PPFIA1: variants seen among roughly 807,000 people sequenced by gnomAD.
PPFIA1 encodes liprin-alpha-1.
Under a neutral mutation model 149.9 loss-of-function variants are expected in PPFIA1, and 25 were observed. That is an observed-to-expected ratio of 0.17 (90% CI 0.12 to 0.23). The LOEUF is 0.23. PPFIA1 is among the 10% of genes least tolerant of loss of function. The pLI is 1.00. For missense variants in PPFIA1, 1,362 were observed against 1,506.5 expected (o/e 0.90, Z 1.59); for synonymous variants, 549 against 552.8 (o/e 0.99, Z 0.10).
intron 2 of PPFIA1, among the ~76,000 whole-genome samples, chr11:70,275,497 A>C (rs1270608644): frequency 6.6e-6 from 1 of 152,178 alleles, no homozygotes; most frequent in African/African-American, 2.4e-5. Flanking sequence ...TGTTTAAGAA[A>C]TTTGCTTGGT....
chr11:70,332,872 C>T (rs1388427150), intron 9 of PPFIA1: 1 of 368,022 alleles, frequency 2.7e-6, no homozygotes, highest in Non-Finnish European at 5.5e-6. Context: ...CTGGACCATT[C>T]AGATGGTTTT....
Position 70,272,154 on chromosome 11 carries a change from C to T in PPFIA1, c.1-19C>T, listed in dbSNP as rs760985646. The stretch of plus-strand genomic sequence containing the variant: ...GTATTCTGAGCTTAATTACTGTAGC[C>T]TGGGTCTTTCATTTCAAGATGATGT... On this transcript the variant is annotated intron_variant, in intron 1 of 27. Transcript: ENST00000253925. 3 of 1,611,242 alleles carry T rather than the reference C, an allele frequency of 1.9e-6. No homozygotes were observed. The highest frequency in any genetic ancestry group is 2.0e-4 in the Middle Eastern group (1 of 4,880).
chr11:70,291,134 TCC>T (rs1485035188), intron 2 of PPFIA1, among the ~76,000 whole-genome samples: 1 of 151,930 alleles, frequency 6.6e-6, no homozygotes, highest in East Asian at 1.9e-4. Context: ...ATCCACCAGC[TCC>T]CGGCCTCCCA....
At chr11:70,311,182 G>A (rs746064576) in intron 2 of PPFIA1, among the ~76,000 whole-genome samples, 8 of 152,086 alleles carry the variant, frequency 5.3e-5, no homozygotes, top group Non-Finnish European at 1.0e-4. Flanking sequence ...GGTGGTGCAT[G>A]CCTGTAATCC....
At chr11:70,313,880 T>A (rs2136573686) in intron 2 of PPFIA1, among the ~76,000 whole-genome samples, 1 of 152,192 alleles carries the variant, frequency 6.6e-6, no homozygotes, top group Admixed American at 6.5e-5. Flanking sequence ...TAGCTGGGCA[T>A]GGTGGCGCAT....
chr11:70,339,941 G>A (rs927499582), intron 14 of PPFIA1, among the ~76,000 whole-genome samples: 2 of 151,730 alleles, frequency 1.3e-5, no homozygotes, highest in African/African-American at 4.8e-5. Context: ...GCTTGAACCC[G>A]GGAGGCGTTG....
chr11:70,350,433 G>T (rs1018088108), intron 16 of PPFIA1, among the ~76,000 whole-genome samples: 1 of 152,166 alleles, frequency 6.6e-6, no homozygotes, highest in South Asian at 2.1e-4. Flanking sequence ...TAGGATGGAT[G>T]TAAAGATTCT....
chr11:70,365,540 G>C (rs2056879579), intron 21 of PPFIA1: 1 of 424,908 alleles, frequency 2.4e-6, no homozygotes. Flanking sequence ...TTTCCATTCA[G>C]TCGTTCCAGA....
intron 19 of PPFIA1, among the ~76,000 whole-genome samples, chr11:70,360,235 A>C (rs193099741): frequency 3.8e-4 from 58 of 152,372 alleles, no homozygotes; most frequent in Admixed American, 7.2e-4. Flanking sequence ...CTTTTTATAA[A>C]AGCTAGTGAT....
Position 70,326,294 on chromosome 11 carries a change from A to G in PPFIA1, c.639A>G (p.Lys213=). The change falls in exon 6 of 28, where the codon AAA becomes AAG. Residue 213 remains lysine (K), a synonymous_variant. Transcript: ENST00000253925. ...LMILKEQNNQ[K]KTLTDGVLDI... Reference sequence around the variant, plus strand: ...TTCTTAAAGAACAGAATAATCAGAAAAAAACTCTAACAGATGGAGTGCTGG... The same window carrying G: ...TTCTTAAAGAACAGAATAATCAGAAGAAAACTCTAACAGATGGAGTGCTGG... 1.2e-6 allele frequency: 2 copies of G among 1,607,920 alleles called. No individual in the cohort carries two copies. The highest frequency in any genetic ancestry group is 1.7e-6 in the Non-Finnish European group (2 of 1,176,294).
At chr11:70,372,991 C>T (rs1415192006) in intron 23 of PPFIA1, among the ~76,000 whole-genome samples, 1 of 152,122 alleles carries the variant, frequency 6.6e-6, no homozygotes, top group Non-Finnish European at 1.5e-5. Context: ...AGGAGAGCAC[C>T]GTGCAGTTCT....
At chr11:70,368,103 A>C (rs2057046096) in intron 21 of PPFIA1, among the ~76,000 whole-genome samples, 1 of 152,032 alleles carries the variant, frequency 6.6e-6, no homozygotes, top group African/African-American at 2.4e-5. Flanking sequence ...ATGCCACTAC[A>C]CTCCAGCCTG....
At chr11:70,381,001 A>G (rs939264399) in intron 26 of PPFIA1, 4 of 151,950 alleles carry the variant, frequency 2.6e-5, no homozygotes, top group African/African-American at 9.7e-5. Context: ...GGCTCTCACC[A>G]TGTTGCCCAG....
At chr11:70,292,852 A>G (rs1258901483) in intron 2 of PPFIA1, among the ~76,000 whole-genome samples, 1 of 152,252 alleles carries the variant, frequency 6.6e-6, no homozygotes, top group Non-Finnish European at 1.5e-5. Flanking sequence ...TGGGCACAAC[A>G]GTATCCTTCA....
intron 26 of PPFIA1, among the ~76,000 whole-genome samples, chr11:70,380,343 G>A (rs1473070317): frequency 2.0e-5 from 3 of 151,936 alleles, no homozygotes; most frequent in Non-Finnish European, 4.4e-5. Context: ...CAAGGCGGGA[G>A]GATCACGAGG....
At chr11:70,332,141 G>T in intron 9 of PPFIA1, 47 bp downstream of exon 9, 1 of 1,526,970 alleles carries the variant, frequency 6.5e-7, no homozygotes, top group Non-Finnish European at 8.8e-7. Context: ...GCCTGTGACT[G>T]TGCCTTGCCT....
chr11:70,345,563 G>T (rs567316663), intron 15 of PPFIA1, among the ~76,000 whole-genome samples: 24 of 152,244 alleles, frequency 1.6e-4, no homozygotes, highest in South Asian at 4.1e-4. Context: ...GAGTCTGTTT[G>T]TTGAGATGAG....
chr11:70,281,909 CTG>C (rs1250978976), intron 2 of PPFIA1, among the ~76,000 whole-genome samples: 1 of 152,226 alleles, frequency 6.6e-6, no homozygotes, highest in African/African-American at 2.4e-5. Context: ...ATCACTGAAA[CTG>C]GAGCTGAAGC....
intron 14 of PPFIA1, among the ~76,000 whole-genome samples, chr11:70,340,307 C>T (rs1385620915): frequency 6.6e-6 from 1 of 151,994 alleles, no homozygotes; most frequent in Non-Finnish European, 1.5e-5. Flanking sequence ...GGCATGGTGG[C>T]ATGTCCCTGC....
Sources: gnomAD v4.1 joint callset for allele counts (sites outside exome capture counted in the v4.1 genomes callset) on GRCh38, gnomAD v4.1.1 for gene constraint, MANE v1.5 for transcripts, NCBI Gene and HGNC (gene_info 2026-07-23, HGNC 2026-07-21) for gene names.